The following PAK4 variants were observed in gnomAD, a reference collection of about 807,000 sequenced individuals.
PAK4 encodes serine/threonine-protein kinase PAK 4.
Under a neutral mutation model 53.5 loss-of-function variants are expected in PAK4, and 49 were observed. The ratio of observed to expected loss-of-function variants is 0.92; its 90% CI spans 0.73 to 1.16. PAK4 has a LOEUF of 1.16. Ranked by LOEUF, PAK4 falls within the 50% of genes most tolerant of loss-of-function variation. PAK4 has a pLI of 0.00. For synonymous variants in PAK4, 376 were observed against 375.6 expected, an observed-to-expected ratio of 1.00 and a Z score of -0.01; for missense variants, 824 against 850.7, an observed-to-expected ratio of 0.97 and a Z score of 0.39.
At chr19:39,177,570 A>G in intron 7 of PAK4, 105 bp from the exon 9 acceptor site, 1 of 1,278,646 alleles carries the variant, frequency 7.8e-7, no homozygotes, top group Non-Finnish European at 1.1e-6. Flanking sequence ...CAAGGACTCC[A>G]GGAGCCAGAG....
chr19:39,153,562 C>G (rs1056169629), intron 1 of PAK4, among the ~76,000 whole-genome samples: 2 of 152,230 alleles, frequency 1.3e-5, no homozygotes, highest in Non-Finnish European at 2.9e-5. Flanking sequence ...CTGCCTCAGC[C>G]TCCCGAGTAG....
chr19:39,176,439 G>A (rs2074606484), intron 6 of PAK4, 151 bp from the exon 8 acceptor site: 1 of 1,009,066 alleles, frequency 9.9e-7, no homozygotes, highest in African/African-American at 1.6e-5. Context: ...CCATTGGTCT[G>A]GCTCTAGACC....
At position 39,178,664 on chromosome 19, in the gene PAK4, C is replaced by A; in HGVS notation, c.*85C>A. On this transcript the variant is annotated 3_prime_UTR_variant, in exon 9 of 9. Transcript: ENST00000358301. The surrounding 1 kb of genome is among the most constrained non-coding windows in gnomAD (Gnocchi z 4.4). The stretch of plus-strand genomic sequence containing the variant: ...CCAGTAGGGGGCCAGGCCTCCCACT[C>A]CTCCCAGCCCGGGAGATGCTCCGCG... 7.9e-7 allele frequency: 1 copy of A among 1,264,218 alleles called. No homozygotes were observed. Among genetic ancestry groups the A allele is most frequent in the Non-Finnish European group, 1.1e-6 (1 of 916,816 alleles). The allele number at this position is 1,264,218 out of a possible 1,614,324, so 78.3% of individuals were successfully genotyped here.
At chr19:39,174,133 C>CTT in intron 4 of PAK4, 123 bp downstream of exon 5, 1 of 683,110 alleles carries the variant, frequency 1.5e-6, no homozygotes, top group Middle Eastern at 4.0e-4. Context: ...CCTCCCCTCA[C>CTT]TCTTCTCCCT....
chr19:39,134,114 C>A (rs531975200), intron 1 of PAK4, among the ~76,000 whole-genome samples: 1 of 152,362 alleles, frequency 6.6e-6, no homozygotes, highest in South Asian at 2.1e-4. Context: ...CCCCGCAAAT[C>A]TTCCACTGCA....
intron 1 of PAK4, among the ~76,000 whole-genome samples, chr19:39,159,921 T>C (rs1023421109): frequency 3.9e-5 from 6 of 152,230 alleles, no homozygotes; most frequent in Non-Finnish European, 2.9e-5. Context: ...TGTGTCTTTA[T>C]GGGCTTTTAC....
In PAK4 at chr19:39,175,290, C is replaced by T. The variant is rs1221213256; in HGVS notation, c.1233-22C>T. 2 of 1,558,778 alleles carry T rather than the reference C, an allele frequency of 1.3e-6. No individual in the cohort carries two copies. Among genetic ancestry groups the T allele is most frequent in the Non-Finnish European group, 1.7e-6 (2 of 1,149,382 alleles). ...CCGGGGTGCTGTCCAGCTGGCTGCTCACCCCCCACCCCACCCCGCAGGATG... is the reference window on the plus strand; with the variant it reads ...CCGGGGTGCTGTCCAGCTGGCTGCTTACCCCCCACCCCACCCCGCAGGATG... On this transcript the variant is annotated intron_variant, in intron 5 of 8. Coordinates refer to ENST00000358301, the Ensembl canonical transcript of PAK4. The surrounding 1 kb of genome is among the most constrained non-coding windows in gnomAD (Gnocchi z 4.7).
At position 39,169,715 on chromosome 19, in the gene PAK4, C is replaced by T. The variant is rs770495774; in HGVS notation, c.162C>T (p.Val54=). ...CGGCTCGCCGGCCCAAGCCCCTCGT[C>T]GACCCCGCCTGCATCACCTCCATCC... Residue 54 remains valine (V), a synonymous_variant, in exon 2 of 9, where the codon GTC becomes GTT. Coordinates refer to ENST00000358301, the Ensembl canonical transcript of PAK4. The T allele has an allele frequency of 8.1e-6, 13 of 1,610,332 alleles. No individual in the cohort carries two copies. The East Asian group carries it at 8.9e-5, about 11-fold the overall frequency.
In PAK4 at chr19:39,178,665, C is replaced by T; in HGVS notation, c.*86C>T. On this transcript the variant is annotated 3_prime_UTR_variant, in exon 9 of 9. Coordinates refer to ENST00000358301, the Ensembl canonical transcript of PAK4. The surrounding 1 kb of genome is among the most constrained non-coding windows in gnomAD (Gnocchi z 4.4). ...CAGTAGGGGGCCAGGCCTCCCACTC[C>T]TCCCAGCCCGGGAGATGCTCCGCGT... The T allele has an allele frequency of 1.6e-6, 2 of 1,265,780 alleles. No individual in the cohort carries two copies. Among genetic ancestry groups the T allele is most frequent in the East Asian group, 2.6e-5 (1 of 38,506 alleles). 78.4% of individuals were successfully genotyped at this position (1,265,780 alleles called of 1,614,324 possible).
intron 1 of PAK4, chr19:39,152,537 T>C (rs180800442): frequency 1.5e-4 from 23 of 152,218 alleles, no homozygotes; most frequent in African/African-American, 5.1e-4. Context: ...AGAAAAAAAA[T>C]TGTATGCTAA....
chr19:39,144,285 T>G (rs1600331075), intron 1 of PAK4, among the ~76,000 whole-genome samples: 1 of 152,272 alleles, frequency 6.6e-6, no homozygotes, highest in South Asian at 2.1e-4. Flanking sequence ...GGCTGACATG[T>G]CTTCTCTCTG....
chr19:39,159,232 G>A (rs761053232), intron 1 of PAK4, among the ~76,000 whole-genome samples: 1 of 152,174 alleles, frequency 6.6e-6, no homozygotes, highest in African/African-American at 2.4e-5. Context: ...CCTGTACTGC[G>A]CCAGGCCTCT....
chr19:39,134,293 C>T (rs577726057), intron 1 of PAK4, among the ~76,000 whole-genome samples: 1 of 152,200 alleles, frequency 6.6e-6, no homozygotes, highest in African/African-American at 2.4e-5. Context: ...ACAACGCTTC[C>T]CCACCACCTC....
chr19:39,143,315 G>A (rs1274852551), intron 1 of PAK4, among the ~76,000 whole-genome samples: 2 of 149,956 alleles, frequency 1.3e-5, no homozygotes, highest in Admixed American at 6.7e-5. Context: ...AAAAGGCTGG[G>A]TGTGGTGGCT....
chr19:39,126,396 T>C (rs1776794779), intron 1 of PAK4, among the ~76,000 whole-genome samples: 2 of 131,460 alleles, frequency 1.5e-5, no homozygotes, highest in Admixed American at 1.7e-4. Flanking sequence ...GGGGCAGCTG[T>C]TTCCCAGAGT....
chr19:39,155,569 T>C (rs2074165371), intron 1 of PAK4, among the ~76,000 whole-genome samples: 1 of 152,114 alleles, frequency 6.6e-6, no homozygotes, highest in South Asian at 2.1e-4. Flanking sequence ...GAGAAACAGT[T>C]ACACCTGCGA....
chr19:39,135,770 G>A (rs1251005438), intron 1 of PAK4, among the ~76,000 whole-genome samples: 2 of 150,370 alleles, frequency 1.3e-5, no homozygotes, highest in South Asian at 2.2e-4. Flanking sequence ...AAGATAAGCC[G>A]GGCTGGAGGC....
chr19:39,169,909 T>C, intron 2 of PAK4, 152 bp downstream of exon 3: 1 of 649,342 alleles, frequency 1.5e-6, no homozygotes, highest in Non-Finnish European at 2.6e-6. Flanking sequence ...CTGGGTCCAG[T>C]GCTGGCCTTT....
chr19:39,131,178 C>T (rs1170880220), intron 1 of PAK4, among the ~76,000 whole-genome samples: 1 of 152,152 alleles, frequency 6.6e-6, no homozygotes, highest in Non-Finnish European at 1.5e-5. Context: ...GCTTCAGTGT[C>T]ACTGATTACT....
Sources: gnomAD v4.1 joint callset for allele counts (sites outside exome capture counted in the v4.1 genomes callset) on GRCh38, gnomAD v4.1.1 for gene constraint, Gnocchi (gnomAD v3.1) non-coding constraint, MANE v1.5 for transcripts, NCBI Gene and HGNC (gene_info 2026-07-23, HGNC 2026-07-21) for gene names.